Variants in SPATA16 observed in about 807,000 individuals in gnomAD.
SPATA16 encodes spermatogenesis-associated protein 16.
SPATA16 carries 36 observed loss-of-function variants against 63.3 expected under a neutral mutation model. That is an observed-to-expected ratio of 0.57 (90% CI 0.44 to 0.75). The LOEUF (loss-of-function observed/expected upper bound fraction) is 0.75, where lower values mean the gene tolerates loss of function less well. SPATA16 is among the 30% of genes least tolerant of loss of function. The pLI, the probability that SPATA16 is intolerant of heterozygous loss-of-function variation, is 0.00. For missense variants in SPATA16, 646 were observed against 679.3 expected, an observed-to-expected ratio of 0.95 and a Z score of 0.54; for synonymous variants, 203 against 216.7, an observed-to-expected ratio of 0.94 and a Z score of 0.56.
At chr3:172,916,079 C>T (rs928446849) in intron 9 of SPATA16, among the ~76,000 whole-genome samples, 1 of 152,136 alleles carries the variant, frequency 6.6e-6, no homozygotes, top group African/African-American at 2.4e-5. Context: ...TATGTTTTTA[C>T]ACATCACAAC....
intron 1 of SPATA16, among the ~76,000 whole-genome samples, chr3:173,133,371 G>C (rs1368029988): frequency 6.6e-6 from 1 of 152,156 alleles, no homozygotes; most frequent in African/African-American, 2.4e-5. Context: ...AGGGGTCTAG[G>C]CAGCCTTTAC....
At chr3:173,037,063 T>G (rs1188705216) in intron 3 of SPATA16, among the ~76,000 whole-genome samples, 1 of 152,006 alleles carries the variant, frequency 6.6e-6, no homozygotes, top group Non-Finnish European at 1.5e-5. Context: ...ATATAATGTT[T>G]AAAAATATGG....
At position 173,029,216 on chromosome 3, in the gene SPATA16, C is replaced by T. The variant is rs1016969225; in HGVS notation, c.759-9641G>A. 1.3e-5 allele frequency among the ~76,000 whole-genome samples: 2 copies of T among 152,086 alleles called. 1 individual carries two copies. The highest frequency in any genetic ancestry group is 1.3e-4 in the Admixed American group (2 of 15,212). On this transcript the variant is annotated intron_variant, in intron 3 of 10. Transcript: ENST00000351008. ...CTGAGTGGGAGATAAGGCTAAATGA[C>T]TTTCAAGTATATTCACGAAAATTTC...
rs554175863 is a variant in SPATA16 at position 172,905,384 on chromosome 3, C to A, written c.1587+8277G>T. Among the ~76,000 whole-genome samples, 2 of 152,088 alleles carry A rather than the reference C, an allele frequency of 1.3e-5. 1 individual carries two copies. Among genetic ancestry groups the A allele is most frequent in the Non-Finnish European group, 2.9e-5 (2 of 68,030 alleles). ...CCACATATTAGCCCAAATGACTGGC[C>A]GATGAATGATAGTGCCATGTGTACA... On this transcript the variant is annotated intron_variant, in intron 10 of 10. Transcript: ENST00000351008.
intron 10 of SPATA16, among the ~76,000 whole-genome samples, chr3:172,909,015 CATCTT>C (rs1376111101): frequency 2.6e-5 from 4 of 152,164 alleles, no homozygotes; most frequent in Non-Finnish European, 4.4e-5. Context: ...TTCCCATTCA[CATCTT>C]CCTCAAGACC....
chr3:172,982,008 G>T (rs1734331792), intron 4 of SPATA16, among the ~76,000 whole-genome samples: 1 of 152,126 alleles, frequency 6.6e-6, no homozygotes, highest in African/African-American at 2.4e-5. Flanking sequence ...GGTCCCCAAG[G>T]GCAGAGATTT....
intron 2 of SPATA16, among the ~76,000 whole-genome samples, chr3:173,082,404 C>G (rs139259466): frequency 6.6e-6 from 1 of 152,282 alleles, no homozygotes; most frequent in African/African-American, 2.4e-5. Flanking sequence ...TCCTGTCTGT[C>G]GCCCCTTACC....
At chr3:173,092,956 A>G (rs1014104791) in intron 2 of SPATA16, among the ~76,000 whole-genome samples, 5 of 151,582 alleles carry the variant, frequency 3.3e-5, no homozygotes, top group African/African-American at 1.2e-4. Context: ...GTTATTCTCT[A>G]TCATTGTACT....
chr3:172,996,963 A>G (rs946743372), intron 4 of SPATA16, among the ~76,000 whole-genome samples: 1 of 152,020 alleles, frequency 6.6e-6, no homozygotes, highest in Non-Finnish European at 1.5e-5. Context: ...ATGGCTTGAG[A>G]GCTCATTTCT....
chr3:172,941,902 C>T (rs1499622), intron 6 of SPATA16, among the ~76,000 whole-genome samples: 10 of 151,746 alleles, frequency 6.6e-5, no homozygotes, highest in Non-Finnish European at 1.0e-4. Flanking sequence ...ATTCTATGAC[C>T]TTTATCTTGC....
chr3:173,029,557 A>T (rs1365388111), intron 3 of SPATA16, among the ~76,000 whole-genome samples: 1 of 151,916 alleles, frequency 6.6e-6, no homozygotes, highest in Non-Finnish European at 1.5e-5. Context: ...GAGTTTAGAG[A>T]ATGTGAATAT....
rs1376645028 is a variant in SPATA16, at chr3:172,924,274, C to T, written c.1272G>A (p.Arg424=). The T allele has an allele frequency of 6.2e-7, 1 of 1,613,440 alleles. No homozygotes were observed. The highest frequency in any genetic ancestry group is 1.7e-5 in the Admixed American group (1 of 60,012). Reference sequence around the variant, plus strand: ...TTCGCTTCCCCATTGTCTCCATTTGCCTCACTGTATCTTCTCTGGTCAGAC... The same window carrying T: ...TTCGCTTCCCCATTGTCTCCATTTGTCTCACTGTATCTTCTCTGGTCAGAC... ...PFGLTREDTV[R]QMETMGKRIL... The change falls in exon 8 of 11, where the codon AGG becomes AGA. Residue 424 remains arginine (R), a synonymous_variant. Transcript: ENST00000351008.
intron 10 of SPATA16, 28 bp downstream of exon 10, chr3:172,913,633 A>C: frequency 6.2e-7 from 1 of 1,600,560 alleles, no homozygotes. Flanking sequence ...AGAATAATAG[A>C]TCTTTTTCCT....
At chr3:173,046,189 G>A (rs937318061) in intron 3 of SPATA16, among the ~76,000 whole-genome samples, 4 of 152,032 alleles carry the variant, frequency 2.6e-5, no homozygotes, top group Admixed American at 2.0e-4. Flanking sequence ...CTGATAAACA[G>A]TGGCACTGGT....
chr3:173,057,826 A>G (rs1343427498), intron 2 of SPATA16, among the ~76,000 whole-genome samples: 2 of 152,208 alleles, frequency 1.3e-5, no homozygotes, highest in African/African-American at 2.4e-5. Flanking sequence ...AACAAATAGA[A>G]TTTGTATTTT....
chr3:173,062,044 A>ATTTTT (rs10618031), intron 2 of SPATA16, among the ~76,000 whole-genome samples: 1 of 115,534 alleles, frequency 8.7e-6, no homozygotes, highest in Non-Finnish European at 1.7e-5. Context: ...GTGCTTCAAC[A>ATTTTT]TTTTTTTTTT....
At chr3:172,971,577 A>G (rs1734048708) in intron 5 of SPATA16, among the ~76,000 whole-genome samples, 1 of 152,148 alleles carries the variant, frequency 6.6e-6, no homozygotes, top group African/African-American at 2.4e-5. Context: ...AAGACAGGCA[A>G]TGTCTATTTT....
chr3:173,137,305 T>C (rs774232863), intron 1 of SPATA16, among the ~76,000 whole-genome samples: 5 of 152,126 alleles, frequency 3.3e-5, no homozygotes, highest in Non-Finnish European at 7.3e-5. Flanking sequence ...TGAAGGAATA[T>C]TGTGGATGTG....
At chr3:173,048,786 T>C (rs1736012697) in intron 3 of SPATA16, among the ~76,000 whole-genome samples, 163 bp downstream of exon 3, 1 of 152,210 alleles carries the variant, frequency 6.6e-6, no homozygotes, top group Non-Finnish European at 1.5e-5. Context: ...TTTGAGATTT[T>C]TGTGGTCTCC....
Sources: allele counts gnomAD v4.1 joint callset (sites outside exome capture counted in the v4.1 genomes callset), GRCh38; gene constraint gnomAD v4.1.1; transcripts MANE v1.5; gene names NCBI Gene and HGNC (gene_info 2026-07-23, HGNC 2026-07-21).